EBF3: variants seen among roughly 807,000 people sequenced by gnomAD.
EBF3 encodes the protein transcription factor COE3.
Under a neutral mutation model 77.1 loss-of-function variants are expected in EBF3, and 18 were observed. The observed-to-expected ratio is 0.23, with a 90% CI of 0.16 to 0.35. EBF3 has a LOEUF of 0.35. Ranked by LOEUF, EBF3 falls within the 10% of genes least tolerant of loss-of-function variation. The pLI is 1.00. For synonymous variants in EBF3, 350 were observed against 343.5 expected (o/e 1.02, Z -0.21); for missense variants, 558 against 860.0 (o/e 0.65, Z 4.39).
At position 129,889,946 on chromosome 10, in the gene EBF3, C is replaced by CTTTT. The variant is rs10665456; in HGVS notation, c.555-12101_555-12098dup. Reference sequence around the variant, plus strand: ...AAATGAGCAAAGCCCATTGAAGTGCCTTTTTTTTTTTTTTTTTTTTTTTTT... The same window carrying CTTTT: ...AAATGAGCAAAGCCCATTGAAGTGCCTTTTTTTTTTTTTTTTTTTTTTTTTTTTT... On this transcript the variant is annotated intron_variant, in intron 6 of 16. Coordinates refer to ENST00000440978, the MANE Select transcript of EBF3 (RefSeq NM_001375380.1). 4.1e-4 allele frequency among the ~76,000 whole-genome samples: 34 copies of CTTTT among 82,892 alleles called. 2 individuals are homozygous for CTTTT. The highest frequency in any genetic ancestry group is 1.5e-3 in the East Asian group (3 of 2,016). The allele number at this position is 82,892 out of a possible 152,430, so 54.4% of individuals were successfully genotyped here.
At chr10:129,917,267 G>C (rs1195908055) in intron 6 of EBF3, among the ~76,000 whole-genome samples, 1 of 152,158 alleles carries the variant, frequency 6.6e-6, no homozygotes, top group Non-Finnish European at 1.5e-5. Flanking sequence ...TACTTGGAAG[G>C]CTGAGGCAGA....
chr10:129,850,525 G>A (rs375211257), intron 10 of EBF3, among the ~76,000 whole-genome samples: 57 of 152,324 alleles, frequency 3.7e-4, no homozygotes, highest in East Asian at 1.9e-3. Flanking sequence ...GATGTGAGGC[G>A]TAATTGTGCA....
intron 7 of EBF3, among the ~76,000 whole-genome samples, chr10:129,873,909 C>T (rs1852578868): frequency 1.3e-5 from 2 of 152,156 alleles, no homozygotes; most frequent in African/African-American, 2.4e-5. Flanking sequence ...TCAGAAACAC[C>T]CCTCTAGCCA....
chr10:129,875,187 CTTTTTTTTTT>C (rs1193539598), intron 7 of EBF3, among the ~76,000 whole-genome samples: 6 of 92,932 alleles, frequency 6.5e-5, no homozygotes, highest in Admixed American at 2.3e-4. Context: ...ATGGCTTCTT[CTTTTTTTTTT>C]TTTTTTTTTT....
Position 129,964,013 on chromosome 10 carries a change from C to A in EBF3, c.-245G>T, listed in dbSNP as rs1441256786. The A allele has an allele frequency of 5.1e-6, 5 of 985,002 alleles. No individual in the cohort carries two copies. Among genetic ancestry groups the A allele is most frequent in the Non-Finnish European group, 6.0e-6 (5 of 829,836 alleles). 61.0% of individuals were successfully genotyped at this position (985,002 alleles called of 1,614,324 possible). A position where few individuals can be genotyped will look rare whatever the true frequency, so the allele number is the denominator to read the frequency against. ...GCGGCGGCGCTTCGAAGGAGCAGGA[C>A]GCGGTGGCCGCGGCGGCGCTTGTTG... On this transcript the variant is annotated 5_prime_UTR_variant, in exon 1 of 17. Transcript: ENST00000440978. The surrounding 1 kb of genome is among the most constrained non-coding windows in gnomAD (Gnocchi z 4.5).
In EBF3 at chr10:129,885,438, A is replaced by C. The variant is rs891960844; in HGVS notation, c.555-7589T>G. On this transcript the variant is annotated intron_variant, in intron 6 of 16. Coordinates refer to ENST00000440978, the MANE Select transcript of EBF3 (RefSeq NM_001375380.1). This position sits in a 1 kb window ranked among gnomAD's most constrained non-coding sequence, Gnocchi z 4.0. ...TCCGCCCGCTGTCAGTGTTCTAGTT[A>C]GTATTTTCTGCAACTGCTCCGGATA... is the stretch of plus-strand genomic sequence containing the variant. Among the ~76,000 whole-genome samples the C allele has an allele frequency of 2.6e-5, 4 of 152,240 alleles. No homozygotes were observed. The highest frequency in any genetic ancestry group is 5.9e-5 in the Non-Finnish European group (4 of 68,044).
intron 6 of EBF3, among the ~76,000 whole-genome samples, chr10:129,918,530 C>T (rs1297881887): frequency 1.3e-5 from 2 of 152,194 alleles, no homozygotes; most frequent in Non-Finnish European, 2.9e-5. Flanking sequence ...TTTCTGCTTC[C>T]CTCAGCATCA....
chr10:129,957,216 C>A, intron 6 of EBF3, 42 bp downstream of exon 6: 1 of 1,550,554 alleles, frequency 6.4e-7, no homozygotes. Flanking sequence ...CGTTTTGTTG[C>A]TGCTGCGGTT....
At chr10:129,898,335 C>T (rs982253851) in intron 6 of EBF3, among the ~76,000 whole-genome samples, 1 of 152,192 alleles carries the variant, frequency 6.6e-6, no homozygotes, top group South Asian at 2.1e-4. Flanking sequence ...GGGGTTCACC[C>T]ATGGGCAGGA....
At chr10:129,962,667 AT>A (rs1296821502) in intron 3 of EBF3, among the ~76,000 whole-genome samples, 2 of 152,010 alleles carry the variant, frequency 1.3e-5, no homozygotes, top group Non-Finnish European at 1.5e-5. Flanking sequence ...AATAATTAAC[AT>A]TAATTTGCAA....
chr10:129,898,392 C>T (rs915213113), intron 6 of EBF3, among the ~76,000 whole-genome samples: 6 of 151,992 alleles, frequency 3.9e-5, no homozygotes, highest in South Asian at 2.1e-4. Context: ...TTCTTTGGGG[C>T]GGCTGAGAAA....
At chr10:129,937,487 C>A (rs934551439) in intron 6 of EBF3, among the ~76,000 whole-genome samples, 1 of 152,160 alleles carries the variant, frequency 6.6e-6, no homozygotes, top group Non-Finnish European at 1.5e-5. Context: ...CACACCAGCG[C>A]TGCCCCAAGC....
At chr10:129,904,353 C>T (rs553175157) in intron 6 of EBF3, among the ~76,000 whole-genome samples, 21 of 152,338 alleles carry the variant, frequency 1.4e-4, no homozygotes, top group African/African-American at 4.8e-4. Flanking sequence ...GTTTCTCCCA[C>T]CTCCTGCCAA....
intron 10 of EBF3, among the ~76,000 whole-genome samples, chr10:129,862,965 C>T (rs1232877781): frequency 6.6e-6 from 1 of 152,192 alleles, no homozygotes; most frequent in African/African-American, 2.4e-5. Context: ...GCAAATGGCA[C>T]ACTGTTAGAC....
chr10:129,940,936 C>T (rs925735687), intron 6 of EBF3, among the ~76,000 whole-genome samples: 4 of 152,192 alleles, frequency 2.6e-5, no homozygotes, highest in Non-Finnish European at 5.9e-5. Context: ...GGTCCCCGGT[C>T]CCCCAGCCTC....
chr10:129,920,028 C>A (rs1171795), intron 6 of EBF3, among the ~76,000 whole-genome samples: 1 of 98,498 alleles, frequency 1.0e-5, no homozygotes, highest in Non-Finnish European at 2.1e-5. Context: ...GGTCTAGGGC[C>A]AGTATCTCCA....
intron 10 of EBF3, among the ~76,000 whole-genome samples, chr10:129,866,674 A>T (rs1188109900): frequency 6.6e-6 from 1 of 152,086 alleles, no homozygotes; most frequent in Non-Finnish European, 1.5e-5. Flanking sequence ...CCTTGCATTT[A>T]CCCGGGGTGT....
chr10:129,962,830 A>T, intron 3 of EBF3, 112 bp downstream of exon 3: 1 of 1,285,682 alleles, frequency 7.8e-7, no homozygotes, highest in South Asian at 1.3e-5. Flanking sequence ...CCATGAGAAG[A>T]TTTCGTGTTT....
chr10:129,926,637 C>T (rs1410236836), intron 6 of EBF3, among the ~76,000 whole-genome samples: 1 of 152,126 alleles, frequency 6.6e-6, no homozygotes, highest in African/African-American at 2.4e-5. Flanking sequence ...CCCACTGGCA[C>T]CTTCAAGGGC....
Sources: allele counts gnomAD v4.1 joint callset (sites outside exome capture counted in the v4.1 genomes callset), GRCh38; gene constraint gnomAD v4.1.1; non-coding constraint Gnocchi (gnomAD v3.1); transcripts MANE v1.5; gene names NCBI Gene and HGNC (gene_info 2026-07-23, HGNC 2026-07-21).